PITPNM2: variants seen among roughly 807,000 people sequenced by gnomAD.
PITPNM2 encodes the protein membrane-associated phosphatidylinositol transfer protein 2.
A neutral mutation model predicts 132.2 loss-of-function variants in PITPNM2; 35 were observed. The observed-to-expected ratio is 0.26, with a 90% CI of 0.20 to 0.35. PITPNM2 has a LOEUF of 0.35. PITPNM2 is among the 10% of genes least tolerant of loss of function. PITPNM2 has a pLI of 1.00. For missense variants in PITPNM2, 1,332 were observed against 1,912.0 expected (o/e 0.70, Z 5.66); for synonymous variants, 738 against 799.2 (o/e 0.92, Z 1.29).
chr12:123,059,987 C>A (rs1407038528), intron 2 of PITPNM2, among the ~76,000 whole-genome samples: 1 of 152,042 alleles, frequency 6.6e-6, no homozygotes, highest in African/African-American at 2.4e-5. Flanking sequence ...TAAAAAGAAA[C>A]GAGGAAAGAA....
chr12:123,126,813 G>C (rs1364879664), intron 1 of PITPNM2, among the ~76,000 whole-genome samples: 1 of 152,178 alleles, frequency 6.6e-6, no homozygotes, highest in East Asian at 1.9e-4. Flanking sequence ...TGAAAGAGAG[G>C]CAAGAATTGC....
rs2038285729 is a variant in PITPNM2, at chr12:122,993,424, A to C, written c.2234-755T>G. Among the ~76,000 whole-genome samples, 1 of 152,250 alleles carries C rather than the reference A, an allele frequency of 6.6e-6. No individual in the cohort carries two copies. The highest frequency in any genetic ancestry group is 2.1e-4 in the South Asian group (1 of 4,836). On this transcript the variant is annotated intron_variant, in intron 15 of 25. Transcript: ENST00000320201. This position sits in a 1 kb window ranked among gnomAD's most constrained non-coding sequence, Gnocchi z 5.2. ...ATTATTAGTGCTGTATCTCACTTTT[A>C]GAGGGACATAAACCAGAACATATGC... is the stretch of plus-strand genomic sequence containing the variant.
chr12:123,032,176 T>C (rs751836675), intron 3 of PITPNM2, among the ~76,000 whole-genome samples: 5 of 152,148 alleles, frequency 3.3e-5, no homozygotes, highest in Non-Finnish European at 4.4e-5. Flanking sequence ...TAAGGATAGG[T>C]GTTCAAAAAA....
intron 3 of PITPNM2, among the ~76,000 whole-genome samples, chr12:123,025,431 ATTTT>A (rs539043052): frequency 1.5e-5 from 2 of 136,098 alleles, no homozygotes. Flanking sequence ...TGTGGACCAG[ATTTT>A]TTTTTTTTTT....
rs1370081208 is a variant in PITPNM2, at chr12:122,994,364, G to A, written c.2233+437C>T. On this transcript the variant is annotated intron_variant, in intron 15 of 25. Transcript: ENST00000320201. The surrounding 1 kb of genome is among the most constrained non-coding windows in gnomAD (Gnocchi z 5.4). ...ATGACGCCCAGCCGCTGGCCTGCCT[G>A]CCCTGGGTAGACAGAGACGCACAGC... Among the ~76,000 whole-genome samples, 1 of 152,206 alleles carries A rather than the reference G, an allele frequency of 6.6e-6. No individual in the cohort carries two copies. The highest frequency in any genetic ancestry group is 1.9e-4 in the East Asian group (1 of 5,194).
At position 123,001,151 on chromosome 12, in the gene PITPNM2, C is replaced by T. The variant is rs774354508; in HGVS notation, c.1056G>A (p.Leu352=). The T allele has an allele frequency of 1.2e-5, 20 of 1,613,906 alleles. No individual in the cohort carries two copies. Among genetic ancestry groups the T allele is most frequent in the Non-Finnish European group, 1.5e-5 (18 of 1,179,782 alleles). ...TGGGGAACATTTCCTCTGTGTCGGA[C>T]AGGTCCTCTGGAGAGGAGAGAGGGA... ...DDEFFDAHED[L]SDTEEMFPKD... is the part of the protein sequence containing the mutation. Residue 352 remains leucine, a synonymous_variant, in exon 9 of 26, where the codon CTG becomes CTA. Transcript: ENST00000320201.
intron 2 of PITPNM2, among the ~76,000 whole-genome samples, chr12:123,041,610 G>T (rs1208980683): frequency 1.3e-5 from 2 of 152,164 alleles, no homozygotes; most frequent in Non-Finnish European, 2.9e-5. Flanking sequence ...ACCCAGTCCG[G>T]CTGCCTGGGT....
rs945267061 is a variant in PITPNM2, at chr12:123,111,827, T to A, written c.-199-1339A>T. Among the ~76,000 whole-genome samples the A allele has an allele frequency of 6.6e-6, 1 of 152,200 alleles. No individual in the cohort carries two copies. On this transcript the variant is annotated intron_variant, in intron 1 of 25. Coordinates refer to ENST00000320201, the MANE Select transcript of PITPNM2 (RefSeq NM_020845.3). The surrounding 1 kb of genome is among the most constrained non-coding windows in gnomAD (Gnocchi z 4.1). The stretch of plus-strand genomic sequence containing the variant: ...CAGGTCCCAGCCCTCCCAGTGACCA[T>A]GAGCAAGCTGGCCTTCCAGCCTTGC...
chr12:123,093,470 G>GCA (rs758874510), intron 2 of PITPNM2, among the ~76,000 whole-genome samples: 11 of 149,106 alleles, frequency 7.4e-5, no homozygotes, highest in African/African-American at 1.8e-4. Context: ...ATACACACAC[G>GCA]CACACACACA....
Position 123,021,765 on chromosome 12 carries a change from A to C in PITPNM2, c.79-7723T>G, listed in dbSNP as rs549435040. On this transcript the variant is annotated intron_variant, in intron 3 of 25. Coordinates refer to ENST00000320201, the MANE Select transcript of PITPNM2 (RefSeq NM_020845.3). Reference sequence around the variant, plus strand: ...TTAGAGCATAGTTTCTGTGGTTCAAATGTCTGGGTACAAACCCTCCTCTTT... The same window carrying C: ...TTAGAGCATAGTTTCTGTGGTTCAACTGTCTGGGTACAAACCCTCCTCTTT... 1.9e-5 allele frequency: 18 copies of C among 928,208 alleles called. No individual in the cohort carries two copies. In the East Asian group the frequency reaches 1.4e-3, roughly 73 times the overall value. 57.5% of individuals were successfully genotyped at this position (928,208 alleles called of 1,614,324 possible). A position where few individuals can be genotyped will look rare whatever the true frequency, so the allele number is the denominator to read the frequency against.
rs1187113212 is a variant in PITPNM2, at chr12:123,108,689, T to G, written c.-96+1696A>C. Reference sequence around the variant, plus strand: ...ACATAGCACTCTCTCTTCTTAGCACTTGGAGGCCTTTTCACAGCAACTGAA... The same window carrying G: ...ACATAGCACTCTCTCTTCTTAGCACGTGGAGGCCTTTTCACAGCAACTGAA... On this transcript the variant is annotated intron_variant, in intron 2 of 25. Coordinates refer to ENST00000320201, the MANE Select transcript of PITPNM2 (RefSeq NM_020845.3). This position sits in a 1 kb window ranked among gnomAD's most constrained non-coding sequence, Gnocchi z 4.4. Among the ~76,000 whole-genome samples, 1 of 152,130 alleles carries G rather than the reference T, an allele frequency of 6.6e-6. No homozygotes were observed. The highest frequency in any genetic ancestry group is 1.5e-5 in the Non-Finnish European group (1 of 68,016).
chr12:123,001,742 C>T (rs1294400002), intron 8 of PITPNM2, among the ~76,000 whole-genome samples: 1 of 152,018 alleles, frequency 6.6e-6, no homozygotes, highest in Non-Finnish European at 1.5e-5. Context: ...TTTAAAAATG[C>T]TATATTGACC....
intron 2 of PITPNM2, among the ~76,000 whole-genome samples, chr12:123,052,878 G>A (rs1314153902): frequency 1.3e-5 from 2 of 150,634 alleles, no homozygotes; most frequent in Non-Finnish European, 3.0e-5. Flanking sequence ...TTGTAAAAGA[G>A]TTGTAACATT....
intron 10 of PITPNM2, among the ~76,000 whole-genome samples, chr12:122,998,939 C>T (rs891623830): frequency 6.6e-6 from 1 of 152,078 alleles, no homozygotes; most frequent in Non-Finnish European, 1.5e-5. Context: ...ATAGCAAAAC[C>T]GTCTCTACCA....
rs2040264124 is a variant in PITPNM2, at chr12:123,036,254, T to C, written c.-95-1569A>G. 6.6e-6 allele frequency among the ~76,000 whole-genome samples: 1 copy of C among 152,170 alleles called. No individual in the cohort carries two copies. On this transcript the variant is annotated intron_variant, in intron 2 of 25. Coordinates refer to ENST00000320201, the MANE Select transcript of PITPNM2 (RefSeq NM_020845.3). This position sits in a 1 kb window ranked among gnomAD's most constrained non-coding sequence, Gnocchi z 4.1. ...TTATCAGAACTCTCAGGAATACCAG[T>C]AGACAGGGTTAAAAGAAGTTCTTAA... is the stretch of plus-strand genomic sequence containing the variant.
At position 123,057,488 on chromosome 12, in the gene PITPNM2, G is replaced by T. The variant is rs1348578243; in HGVS notation, c.-95-22803C>A. Among the ~76,000 whole-genome samples, 5 of 152,200 alleles carry T rather than the reference G, an allele frequency of 3.3e-5. No homozygotes were observed. In the South Asian group the frequency reaches 1.0e-3, roughly 32 times the overall value. On this transcript the variant is annotated intron_variant, in intron 2 of 25. Coordinates refer to ENST00000320201, the MANE Select transcript of PITPNM2 (RefSeq NM_020845.3). ...AAGAATGTCTCTGAGGGTGCAAATGGTACCATTGGTCTCCTCACCCTACAA... is the reference window on the plus strand; with the variant it reads ...AAGAATGTCTCTGAGGGTGCAAATGTTACCATTGGTCTCCTCACCCTACAA...
At chr12:123,050,341 G>C (rs552102432) in intron 2 of PITPNM2, among the ~76,000 whole-genome samples, 4 of 152,204 alleles carry the variant, frequency 2.6e-5, no homozygotes, top group Middle Eastern at 3.4e-3. Context: ...CAACAATCTC[G>C]CTGGAAACTC....
Position 122,989,911 on chromosome 12 carries a change from CCTGACG to C in PITPNM2, c.2601_2606del (p.Ser867_Val868del). 1 of 1,329,638 alleles carries C rather than the reference CCTGACG, an allele frequency of 7.5e-7. No individual in the cohort carries two copies. The highest frequency in any genetic ancestry group is 3.1e-5 in the East Asian group (1 of 32,130). The allele number at this position is 1,329,638 out of a possible 1,614,324, so 82.4% of individuals were successfully genotyped here. ...CGGGCAGGGCGAGCAGGGACAGACG[CCTGACG>C]CTGGGGGTATGGCTGAGCGCATCGG... On this transcript the variant is annotated inframe_deletion, in exon 18 of 26. Coordinates refer to ENST00000320201, the MANE Select transcript of PITPNM2 (RefSeq NM_020845.3).
In PITPNM2 at chr12:123,108,606, C is replaced by A. The variant is rs1053374052; in HGVS notation, c.-96+1779G>T. 6.6e-6 allele frequency among the ~76,000 whole-genome samples: 1 copy of A among 152,158 alleles called. No homozygotes were observed. The highest frequency in any genetic ancestry group is 2.4e-5 in the African/African-American group (1 of 41,428). On this transcript the variant is annotated intron_variant, in intron 2 of 25. Transcript: ENST00000320201. This position sits in a 1 kb window ranked among gnomAD's most constrained non-coding sequence, Gnocchi z 4.4. ...ATGTGCCCTCCCCTACATCCACTCCCAGTAGCTGGGACACCTTGGAAAGTG... is the reference window on the plus strand; with the variant it reads ...ATGTGCCCTCCCCTACATCCACTCCAAGTAGCTGGGACACCTTGGAAAGTG...
Sources: allele counts gnomAD v4.1 joint callset (sites outside exome capture counted in the v4.1 genomes callset), GRCh38; gene constraint gnomAD v4.1.1; non-coding constraint Gnocchi (gnomAD v3.1); transcripts MANE v1.5; gene names NCBI Gene and HGNC (gene_info 2026-07-23, HGNC 2026-07-21).